DPP6: variants seen among roughly 807,000 people sequenced by gnomAD.
DPP6 encodes the protein A-type potassium channel modulatory protein DPP6.
A neutral mutation model predicts 122.6 loss-of-function variants in DPP6; 69 were observed. The observed-to-expected ratio is 0.56, with a 90% confidence interval of 0.46 to 0.69. DPP6 has a LOEUF of 0.69. DPP6 is among the 30% of genes least tolerant of loss of function. The probability of loss-of-function intolerance (pLI) is 0.00; values close to 1 mark genes in which losing one functional copy is unlikely to be tolerated. For missense variants in DPP6, 928 were observed against 1,116.9 expected (o/e 0.83, Z 2.41); for synonymous variants, 418 against 433.1 (o/e 0.97, Z 0.43).
At chr7:154,671,953 T>C (rs1326573505) in intron 7 of DPP6, among the ~76,000 whole-genome samples, 1 of 152,050 alleles carries the variant, frequency 6.6e-6, no homozygotes, top group Non-Finnish European at 1.5e-5. Flanking sequence ...CATGATCTCT[T>C]GTTGCCTGTA....
the DPP6 span, among the ~76,000 whole-genome samples, chr7:153,757,004 C>A: frequency 6.6e-6 from 1 of 152,014 alleles, no homozygotes; most frequent in Non-Finnish European, 1.5e-5. Flanking sequence ...ACCTCAAATG[C>A]AGTATTTCAA....
chr7:154,569,043 G>A (rs950086947), intron 5 of DPP6, among the ~76,000 whole-genome samples: 6 of 151,924 alleles, frequency 3.9e-5, no homozygotes, highest in Non-Finnish European at 7.4e-5. Flanking sequence ...ACTCCTTAGC[G>A]CTATACCAAG....
intron 1 of DPP6, among the ~76,000 whole-genome samples, chr7:154,265,286 A>T (rs1803351146): frequency 6.6e-6 from 1 of 152,160 alleles, no homozygotes; most frequent in Non-Finnish European, 1.5e-5. Context: ...CATAATGATG[A>T]TGATGGTGAT....
intron 7 of DPP6, among the ~76,000 whole-genome samples, chr7:154,684,601 G>T (rs960232632): frequency 6.6e-6 from 1 of 152,106 alleles, no homozygotes; most frequent in African/African-American, 2.4e-5. Context: ...ACACCCTGTG[G>T]CATCCTCCTT....
chr7:154,588,172 C>T (rs1586691131), intron 5 of DPP6: 1 of 1,521,514 alleles, frequency 6.6e-7, no homozygotes, highest in Admixed American at 2.0e-5. Flanking sequence ...GAAATACTGC[C>T]TTCCCCATCC....
At chr7:153,859,438 C>T in the DPP6 span, among the ~76,000 whole-genome samples, 33 of 152,276 alleles carry the variant, frequency 2.2e-4, no homozygotes, top group South Asian at 6.4e-3. Flanking sequence ...TTCCATGAGA[C>T]GTGGCTGTCT....
intron 7 of DPP6, among the ~76,000 whole-genome samples, chr7:154,720,394 G>A (rs550586553): frequency 6.6e-6 from 1 of 152,328 alleles, no homozygotes; most frequent in African/African-American, 2.4e-5. Flanking sequence ...GGACCACAAA[G>A]CAGATGTTAT....
At chr7:153,970,519 TTTTC>T (rs1255858044) in intron 1 of DPP6, among the ~76,000 whole-genome samples, 2 of 152,326 alleles carry the variant, frequency 1.3e-5, no homozygotes, top group East Asian at 3.9e-4. Flanking sequence ...TTATCAACTT[TTTTC>T]TTTTGTGATT....
rs58891619 is a variant in DPP6 at position 154,723,556 on chromosome 7, A to G, written c.763-4211A>G. On this transcript the variant is annotated intron_variant, in intron 7 of 25. Transcript: ENST00000377770. ...CTGCTGAAATTAAATTAGGTTGTAT[A>G]CTTGTTTCTGGAAGTTTTCCACCTC... Among the ~76,000 whole-genome samples the G allele has an allele frequency of 5.3e-3, 809 of 152,178 alleles. 11 individuals carry two copies. The highest frequency in any genetic ancestry group is 0.019 in the African/African-American group (776 of 41,524).
the DPP6 span, among the ~76,000 whole-genome samples, chr7:153,827,179 T>A: frequency 6.6e-6 from 1 of 152,192 alleles, no homozygotes; most frequent in African/African-American, 2.4e-5. Flanking sequence ...TTCTTAACTT[T>A]TAGAAGAAAA....
chr7:153,910,364 G>C (rs1233564398), intron 1 of DPP6, among the ~76,000 whole-genome samples: 1 of 151,624 alleles, frequency 6.6e-6, no homozygotes, highest in East Asian at 1.9e-4. Flanking sequence ...TGAGTAGCTG[G>C]GACTATAGGC....
At chr7:154,831,838 C>G (rs998305573) in intron 16 of DPP6, among the ~76,000 whole-genome samples, 6 of 152,202 alleles carry the variant, frequency 3.9e-5, no homozygotes, top group Non-Finnish European at 8.8e-5. Flanking sequence ...GAAAGTTCCT[C>G]TCTTGTCCTG....
chr7:154,268,295 C>T (rs1052644046), intron 1 of DPP6, among the ~76,000 whole-genome samples: 4 of 152,088 alleles, frequency 2.6e-5, no homozygotes, highest in African/African-American at 2.4e-5. Context: ...AACAAAATAC[C>T]GTAAACTGGG....
At chr7:153,766,107 A>G in the DPP6 span, among the ~76,000 whole-genome samples, 1 of 152,242 alleles carries the variant, frequency 6.6e-6, no homozygotes, top group Admixed American at 6.5e-5. Context: ...ACATTTTGTC[A>G]TTTATGATTG....
At chr7:154,169,076 A>G (rs1357683764) in intron 1 of DPP6, among the ~76,000 whole-genome samples, 1 of 136,222 alleles carries the variant, frequency 7.3e-6, no homozygotes, top group Non-Finnish European at 1.6e-5. Flanking sequence ...GACCCTACCC[A>G]TACCCCTTCT....
chr7:154,414,666 T>G (rs533920492), intron 1 of DPP6, among the ~76,000 whole-genome samples: 1 of 152,336 alleles, frequency 6.6e-6, no homozygotes, highest in Non-Finnish European at 1.5e-5. Flanking sequence ...CAGTCCTGAC[T>G]TGACCTTTCT....
chr7:154,282,802 G>A lies in DPP6; in HGVS notation c.244-163412G>A, dbSNP rs940352519. Among the ~76,000 whole-genome samples the A allele has an allele frequency of 6.6e-6, 1 of 152,068 alleles. No individual in the cohort carries two copies. The highest frequency in any genetic ancestry group is 2.4e-5 in the African/African-American group (1 of 41,420). ...TAAATATAGGGTTGATTCCTAAAGG[G>A]TTTAGAAATAACCACAAATAGGCCC... On this transcript the variant is annotated intron_variant, in intron 1 of 25. Coordinates refer to ENST00000377770, the MANE Select transcript of DPP6 (RefSeq NM_130797.4). This position sits in a 1 kb window ranked among gnomAD's most constrained non-coding sequence, Gnocchi z 4.8.
intron 6 of DPP6, among the ~76,000 whole-genome samples, chr7:154,646,565 C>T (rs190106028): frequency 1.3e-5 from 2 of 152,276 alleles, no homozygotes; most frequent in African/African-American, 2.4e-5. Flanking sequence ...TCTTATTTCA[C>T]GCTAGAATTT....
chr7:154,774,874 A>T (rs982567115), intron 10 of DPP6, among the ~76,000 whole-genome samples: 1 of 152,188 alleles, frequency 6.6e-6, no homozygotes, highest in African/African-American at 2.4e-5. Context: ...AGGTGTGAGA[A>T]GGGCTGTGGA....
Sources: allele counts gnomAD v4.1 joint callset (sites outside exome capture counted in the v4.1 genomes callset), GRCh38; gene constraint gnomAD v4.1.1; non-coding constraint Gnocchi (gnomAD v3.1); transcripts MANE v1.5; gene names NCBI Gene and HGNC (gene_info 2026-07-23, HGNC 2026-07-21).